KIF6: variants seen among roughly 807,000 people sequenced by gnomAD.
KIF6 encodes the protein kinesin-like protein KIF6.
Under a neutral mutation model 112.7 loss-of-function variants are expected in KIF6, and 106 were observed. The ratio of observed to expected loss-of-function variants is 0.94; its 90% confidence interval spans 0.80 to 1.11. KIF6 has a LOEUF of 1.11. Ranked by LOEUF, KIF6 falls within the 50% of genes least tolerant of loss-of-function variation. The pLI, the probability that KIF6 is intolerant of heterozygous loss-of-function variation, is 0.00. For missense variants in KIF6, 929 were observed against 964.0 expected, an observed-to-expected ratio of 0.96 and a Z score of 0.48; for synonymous variants, 339 against 339.9, an observed-to-expected ratio of 1.00 and a Z score of 0.03.
At chr6:39,687,987 T>C (rs1211735475) in intron 3 of KIF6, among the ~76,000 whole-genome samples, 1 of 152,164 alleles carries the variant, frequency 6.6e-6, no homozygotes, top group Non-Finnish European at 1.5e-5. Context: ...CCACAAAGCA[T>C]AGTGCTGAAA....
At chr6:39,566,409 G>T (rs919538668) in intron 10 of KIF6, among the ~76,000 whole-genome samples, 2 of 152,080 alleles carry the variant, frequency 1.3e-5, no homozygotes, top group Admixed American at 1.3e-4. Flanking sequence ...TAAAGGTTTC[G>T]GCAAACATCT....
At chr6:39,424,634 T>C (rs1207988868) in intron 14 of KIF6, among the ~76,000 whole-genome samples, 1 of 152,220 alleles carries the variant, frequency 6.6e-6, no homozygotes, top group African/African-American at 2.4e-5. Flanking sequence ...TCTCAGGCTC[T>C]TCATTTCTAG....
chr6:39,561,175 C>T (rs1283905171), intron 10 of KIF6, among the ~76,000 whole-genome samples: 1 of 152,252 alleles, frequency 6.6e-6, no homozygotes, highest in East Asian at 1.9e-4. Context: ...GAAAAAGTAC[C>T]TAAGCAAGAG....
chr6:39,448,115 G>A (rs1581878650), intron 13 of KIF6, among the ~76,000 whole-genome samples: 1 of 152,180 alleles, frequency 6.6e-6, no homozygotes, highest in Middle Eastern at 3.4e-3. Context: ...GGTCTCTGGG[G>A]ACCAGAGCTC....
At chr6:39,461,642 T>C (rs1773484163) in intron 13 of KIF6, among the ~76,000 whole-genome samples, 1 of 152,218 alleles carries the variant, frequency 6.6e-6, no homozygotes, top group African/African-American at 2.4e-5. Flanking sequence ...TTATGCTAAA[T>C]AACTATACTC....
rs1045470851 is a variant in KIF6, at chr6:39,552,622, A to C, written c.1182-6934T>G. Among the ~76,000 whole-genome samples, 162 of 152,242 alleles carry C rather than the reference A, an allele frequency of 1.1e-3. 2 individuals carry two copies. The highest frequency in any genetic ancestry group is 3.1e-4 in the Non-Finnish European group (21 of 68,038). On this transcript the variant is annotated intron_variant, in intron 10 of 22. Coordinates refer to ENST00000287152, the MANE Select transcript of KIF6 (RefSeq NM_145027.6). ...TTCCACATGCCATAATCTCTGACAT[A>C]CTATATTTGTATTTTCAATTTAGAA...
At chr6:39,337,172 CTTCTTTCTTTCTTTCTTTCTTTCT>C (rs71543959) in intron 22 of KIF6, among the ~76,000 whole-genome samples, 4 of 59,520 alleles carry the variant, frequency 6.7e-5, no homozygotes, top group East Asian at 4.2e-4. Flanking sequence ...TCTTTCCTTC[CTTCTTTCTTTCTTTCTTTCTTTCT>C]TTCTTTCTTT....
rs921379840 is a variant in KIF6 at position 39,392,873 on chromosome 6, A to T, written c.1811-7201T>A. Among the ~76,000 whole-genome samples the T allele has an allele frequency of 8.5e-5, 13 of 152,254 alleles. 1 individual carries two copies. Among genetic ancestry groups the T allele is most frequent in the Non-Finnish European group, 4.4e-5 (3 of 68,044 alleles). On this transcript the variant is annotated intron_variant, in intron 15 of 22. Transcript: ENST00000287152. The stretch of plus-strand genomic sequence containing the variant: ...AGGCAAATGGTAAAGAATGGTGAAG[A>T]GATAGCAGTTGAGATTTTCCAGCAT...
intron 3 of KIF6, among the ~76,000 whole-genome samples, chr6:39,651,740 G>A (rs1022500872): frequency 2.0e-5 from 3 of 152,168 alleles, no homozygotes; most frequent in Admixed American, 6.5e-5. Flanking sequence ...AATAATCAAG[G>A]AGGAAAATTG....
intron 13 of KIF6, among the ~76,000 whole-genome samples, chr6:39,516,722 A>G (rs1777108412): frequency 6.6e-6 from 1 of 152,182 alleles, no homozygotes; most frequent in Non-Finnish European, 1.5e-5. Flanking sequence ...GCTAAGCTTT[A>G]TGGATGTGTT....
rs144353324 is a variant in KIF6 at position 39,344,705 on chromosome 6, TTC to T, written c.2322-892_2322-891del. On this transcript the variant is annotated intron_variant, in intron 21 of 22. Coordinates refer to ENST00000287152, the MANE Select transcript of KIF6 (RefSeq NM_145027.6). ...ACCCCTTAACCTGGGGCCCATCAAC[TTC>T]TGTGCCCAGCTTAGATGTCATATCA... is the stretch of plus-strand genomic sequence containing the variant. 3.5e-3 allele frequency among the ~76,000 whole-genome samples: 540 copies of T among 152,268 alleles called. 3 individuals are homozygous for T. The highest frequency in any genetic ancestry group is 0.012 in the African/African-American group (506 of 41,552).
chr6:39,391,736 T>C (rs1400461107), intron 15 of KIF6, among the ~76,000 whole-genome samples: 2 of 152,226 alleles, frequency 1.3e-5, no homozygotes, highest in Admixed American at 1.3e-4. Context: ...AGTTCAATAG[T>C]TGGAACATGA....
At chr6:39,669,997 G>A (rs1786703552) in intron 3 of KIF6, among the ~76,000 whole-genome samples, 1 of 152,214 alleles carries the variant, frequency 6.6e-6, no homozygotes, top group Admixed American at 6.5e-5. Context: ...CACTGGGAAA[G>A]GGTCTTTTAA....
At chr6:39,508,305 C>T (rs1224371499) in intron 13 of KIF6, among the ~76,000 whole-genome samples, 1 of 151,246 alleles carries the variant, frequency 6.6e-6, no homozygotes, top group African/African-American at 2.4e-5. Context: ...ACACAGAACA[C>T]AGGTGATTTC....
intron 15 of KIF6, among the ~76,000 whole-genome samples, chr6:39,395,312 A>G (rs1768180886): frequency 6.6e-6 from 1 of 152,236 alleles, no homozygotes; most frequent in African/African-American, 2.4e-5. Flanking sequence ...GATTCAGAGA[A>G]TTAAGTAAGC....
chr6:39,380,115 C>A (rs1198428532), intron 16 of KIF6, among the ~76,000 whole-genome samples: 3 of 152,230 alleles, frequency 2.0e-5, no homozygotes, highest in Admixed American at 6.5e-5. Context: ...ACACACACAA[C>A]TGAATTCAGC....
Position 39,423,378 on chromosome 6 carries a change from CT to C in KIF6, c.1755-3376del, listed in dbSNP as rs753782844. On this transcript the variant is annotated intron_variant, in intron 14 of 22. Coordinates refer to ENST00000287152, the MANE Select transcript of KIF6 (RefSeq NM_145027.6). The stretch of plus-strand genomic sequence containing the variant: ...GTCTTTTTCCCCCTCTCTCTGGCAC[CT>C]CCTTCTCAGTCTCCTTTGCTGATGT... Among the ~76,000 whole-genome samples, 12 of 152,204 alleles carry C rather than the reference CT, an allele frequency of 7.9e-5. No homozygotes were observed. The East Asian group carries it at 2.3e-3, about 30-fold the overall frequency.
intron 13 of KIF6, among the ~76,000 whole-genome samples, chr6:39,491,892 G>A (rs1438660205): frequency 1.3e-5 from 2 of 152,194 alleles, no homozygotes; most frequent in Non-Finnish European, 2.9e-5. Context: ...AATTGAGGGT[G>A]TTGAGGGTGC....
intron 3 of KIF6, among the ~76,000 whole-genome samples, chr6:39,686,135 ATCT>A (rs1331469586): frequency 2.6e-5 from 4 of 152,228 alleles, no homozygotes; most frequent in Admixed American, 6.5e-5. Flanking sequence ...TCAAAATGAC[ATCT>A]TCTTCTTAAG....
Sources: allele counts gnomAD v4.1 joint callset (sites outside exome capture counted in the v4.1 genomes callset), GRCh38; gene constraint gnomAD v4.1.1; transcripts MANE v1.5; gene names NCBI Gene and HGNC (gene_info 2026-07-23, HGNC 2026-07-21).